The following CADM2 variants were observed in gnomAD, a reference collection of about 807,000 sequenced individuals.
CADM2 encodes the protein immunoglobulin superfamily member 4D.
In CADM2, 12 loss-of-function variants were observed where a neutral mutation model predicts 49.8. That is an observed-to-expected ratio of 0.24 (90% CI 0.15 to 0.39). The LOEUF (loss-of-function observed/expected upper bound fraction) is 0.39, where lower values mean the gene tolerates loss of function less well. Ranked by LOEUF, CADM2 falls within the 10% of genes least tolerant of loss-of-function variation. The probability of loss-of-function intolerance (pLI) is 1.00; values close to 1 mark genes in which losing one functional copy is unlikely to be tolerated. For synonymous variants in CADM2, 214 were observed against 175.4 expected (o/e 1.22, Z -1.74); for missense variants, 378 against 492.3 (o/e 0.77, Z 2.20).
intron 1 of CADM2, among the ~76,000 whole-genome samples, chr3:85,377,990 A>G (rs962119237): frequency 1.3e-5 from 2 of 152,082 alleles, no homozygotes; most frequent in African/African-American, 2.4e-5. Context: ...GACTGTCTAA[A>G]TGAATAGTAT....
chr3:85,156,232 C>A (rs2040116390), intron 1 of CADM2, among the ~76,000 whole-genome samples: 2 of 151,488 alleles, frequency 1.3e-5, no homozygotes, highest in Non-Finnish European at 2.9e-5. Context: ...ACTAGCAAGA[C>A]TAATAAAGAA....
intron 1 of CADM2, among the ~76,000 whole-genome samples, chr3:85,684,055 G>A (rs6549048): frequency 0.26 from 40,244 of 152,082 alleles, 5,440 homozygotes; most frequent in South Asian, 0.34. Context: ...CCACCGATTG[G>A]TGGATCAGAA....
chr3:85,065,232 A>G (rs1031730475), intron 1 of CADM2, among the ~76,000 whole-genome samples: 3 of 152,064 alleles, frequency 2.0e-5, no homozygotes, highest in African/African-American at 7.2e-5. Context: ...TTTTAAATTT[A>G]TTTCATATAA....
At chr3:85,980,360 C>T (rs1221459317) in intron 8 of CADM2, among the ~76,000 whole-genome samples, 9 of 151,084 alleles carry the variant, frequency 6.0e-5, no homozygotes, top group African/African-American at 1.2e-4. Flanking sequence ...GTTGATTTGC[C>T]GTCTTTGATT....
At chr3:86,012,041 T>C (rs192746547) in intron 8 of CADM2, among the ~76,000 whole-genome samples, 79 of 152,202 alleles carry the variant, frequency 5.2e-4, no homozygotes, top group African/African-American at 1.8e-3. Context: ...TATTATCTTA[T>C]ATAAATATAC....
chr3:85,305,418 T>C (rs1368634584), intron 1 of CADM2, among the ~76,000 whole-genome samples: 2 of 151,714 alleles, frequency 1.3e-5, no homozygotes, highest in African/African-American at 4.8e-5. Flanking sequence ...CATTTTCATA[T>C]GTACAGACAG....
At chr3:85,052,262 A>T (rs951552947) in intron 1 of CADM2, among the ~76,000 whole-genome samples, 1 of 152,122 alleles carries the variant, frequency 6.6e-6, no homozygotes, top group Non-Finnish European at 1.5e-5. Context: ...GTTATAGATG[A>T]ATCGAGAAAA....
intron 1 of CADM2, among the ~76,000 whole-genome samples, chr3:85,184,594 G>A (rs1333803194): frequency 2.6e-5 from 4 of 151,986 alleles, no homozygotes; most frequent in Non-Finnish European, 5.9e-5. Flanking sequence ...TATTTTAAAA[G>A]GAATTTGAGA....
chr3:85,951,157 C>T (rs1329319535), intron 7 of CADM2, among the ~76,000 whole-genome samples: 1 of 150,986 alleles, frequency 6.6e-6, no homozygotes, highest in Non-Finnish European at 1.5e-5. Flanking sequence ...CAAACTCTAA[C>T]TCATGATAAT....
intron 1 of CADM2, among the ~76,000 whole-genome samples, chr3:84,988,323 T>G (rs2107167743): frequency 6.6e-6 from 1 of 152,394 alleles, no homozygotes; most frequent in African/African-American, 2.4e-5. Context: ...TTGCAGTATC[T>G]TCTGTGACTT....
chr3:85,306,033 A>C (rs1053976010), intron 1 of CADM2, among the ~76,000 whole-genome samples: 1 of 151,664 alleles, frequency 6.6e-6, no homozygotes, highest in Non-Finnish European at 1.5e-5. Flanking sequence ...GTAGGTCAAA[A>C]CCTAATAATT....
rs554236302 is a variant in CADM2, at chr3:85,330,500, A to G, written c.61+370832A>G. 3.3e-5 allele frequency among the ~76,000 whole-genome samples: 5 copies of G among 152,320 alleles called. No individual in the cohort carries two copies. In the East Asian group the frequency reaches 7.7e-4, roughly 23 times the overall value. On this transcript the variant is annotated intron_variant, in intron 1 of 9. Transcript: ENST00000383699. ...AACAACACTGACACCACTGCTACAT[A>G]GACATTTTACTTTTTTCTTTATTCC...
intron 2 of CADM2, among the ~76,000 whole-genome samples, chr3:85,730,369 G>T (rs1457943997): frequency 6.6e-6 from 1 of 152,084 alleles, no homozygotes; most frequent in African/African-American, 2.4e-5. Context: ...TTGACCCAGG[G>T]AGGCGGAGCC....
chr3:85,168,708 G>A (rs762636857), intron 1 of CADM2, among the ~76,000 whole-genome samples: 4 of 151,906 alleles, frequency 2.6e-5, no homozygotes, highest in African/African-American at 4.8e-5. Context: ...ATCTAATATT[G>A]ATTCTGAAAT....
At position 86,068,571 on chromosome 3, in the gene CADM2, G is replaced by A. The variant is rs1403600630; in HGVS notation, c.*1788G>A. On this transcript the variant is annotated 3_prime_UTR_variant, in exon 10 of 10. Coordinates refer to ENST00000383699, the MANE Select transcript of CADM2 (RefSeq NM_001167675.2). ...TGTATTAATATCAAATGAAAGACAAGGGTGCTGTATCTTTGATTATTTATC... is the reference window on the plus strand; with the variant it reads ...TGTATTAATATCAAATGAAAGACAAAGGTGCTGTATCTTTGATTATTTATC... The A allele has an allele frequency of 6.6e-6, 1 of 151,854 alleles. No individual in the cohort carries two copies. The allele number at this position is 151,854 out of a possible 1,614,324, so 9.4% of individuals were successfully genotyped here. A position where few individuals can be genotyped will look rare whatever the true frequency, so the allele number is the denominator to read the frequency against.
intron 1 of CADM2, among the ~76,000 whole-genome samples, chr3:85,226,788 C>T (rs1421242160): frequency 1.3e-5 from 2 of 152,292 alleles, no homozygotes; most frequent in South Asian, 2.1e-4. Flanking sequence ...TCCCTCTACA[C>T]ACTGCTTAAA....
chr3:85,185,959 T>C (rs949133387), intron 1 of CADM2, among the ~76,000 whole-genome samples: 1 of 152,160 alleles, frequency 6.6e-6, no homozygotes, highest in Non-Finnish European at 1.5e-5. Context: ...GGAGATATTA[T>C]GGCAATTTAG....
At chr3:85,876,124 A>T (rs928402257) in intron 3 of CADM2, among the ~76,000 whole-genome samples, 5 of 152,166 alleles carry the variant, frequency 3.3e-5, no homozygotes, top group Non-Finnish European at 7.4e-5. Context: ...AATACATTTT[A>T]AAAACTTTTA....
chr3:85,263,116 C>T (rs573966421), intron 1 of CADM2, among the ~76,000 whole-genome samples: 7 of 152,088 alleles, frequency 4.6e-5, no homozygotes, highest in South Asian at 2.1e-4. Flanking sequence ...CTTCAGCCTC[C>T]GCAATAGCTG....
Sources: allele counts gnomAD v4.1 joint callset (sites outside exome capture counted in the v4.1 genomes callset), GRCh38; gene constraint gnomAD v4.1.1; transcripts MANE v1.5; gene names NCBI Gene and HGNC (gene_info 2026-07-23, HGNC 2026-07-21).